The following KIFAP3 variants were observed in gnomAD, a reference collection of about 807,000 sequenced individuals.
KIFAP3 encodes the protein kinesin-associated protein 3.
Under a neutral mutation model 106.5 loss-of-function variants are expected in KIFAP3, and 68 were observed. The observed-to-expected ratio is 0.64, with a 90% CI of 0.53 to 0.78. KIFAP3 has a LOEUF of 0.78. KIFAP3 is among the 30% of genes least tolerant of loss of function. The probability of loss-of-function intolerance (pLI) is 0.00; values close to 1 mark genes in which losing one functional copy is unlikely to be tolerated. For synonymous variants in KIFAP3, 320 were observed against 311.5 expected, an observed-to-expected ratio of 1.03 and a Z score of -0.29; for missense variants, 780 against 941.8, an observed-to-expected ratio of 0.83 and a Z score of 2.25.
At chr1:169,939,673 T>C (rs892926150) in intron 19 of KIFAP3, among the ~76,000 whole-genome samples, 2 of 151,914 alleles carry the variant, frequency 1.3e-5, no homozygotes, top group Non-Finnish European at 2.9e-5. Context: ...AGCATTTAAA[T>C]GTGGAAAAGA....
chr1:169,982,832 A>G lies in KIFAP3; in HGVS notation c.1542T>C (p.Asn514=), dbSNP rs765019220. The G allele has an allele frequency of 2.5e-6, 4 of 1,603,092 alleles. No homozygotes were observed. Among genetic ancestry groups the G allele is most frequent in the Non-Finnish European group, 2.6e-6 (3 of 1,172,980 alleles). The part of the protein sequence containing the change: ...YVGDLAAQIS[N]DEEEEFVIEC... ...CAATCACAAACTCCTCTTCTTCATC[A>G]TTAGAGATCTGGGCTGCAAGGTCCC... The change falls in exon 14 of 20, where the codon AAT becomes AAC. Residue 514 remains asparagine (N), a synonymous_variant. Coordinates refer to ENST00000361580, the MANE Select transcript of KIFAP3 (RefSeq NM_014970.4).
chr1:170,014,191 C>G (rs1293647974), intron 10 of KIFAP3, among the ~76,000 whole-genome samples: 1 of 152,152 alleles, frequency 6.6e-6, no homozygotes, highest in Non-Finnish European at 1.5e-5. Flanking sequence ...GATTAATTTC[C>G]CTTGAGCAGA....
intron 1 of KIFAP3, among the ~76,000 whole-genome samples, chr1:170,065,900 G>C (rs1671419897): frequency 1.3e-5 from 2 of 152,018 alleles, no homozygotes; most frequent in Admixed American, 1.3e-4. Context: ...TATTGTTTTG[G>C]ATCATTTAAT....
chr1:170,007,712 C>A (rs1326527369), intron 10 of KIFAP3, among the ~76,000 whole-genome samples: 3 of 152,006 alleles, frequency 2.0e-5, no homozygotes, highest in African/African-American at 7.3e-5. Flanking sequence ...TTTATAGATT[C>A]AATGCTACCC....
intron 1 of KIFAP3, among the ~76,000 whole-genome samples, chr1:170,082,888 G>A (rs1426196228): frequency 6.6e-6 from 1 of 152,096 alleles, no homozygotes; most frequent in Admixed American, 6.6e-5. Context: ...CATGAGAATC[G>A]CCTGAACCCA....
At chr1:170,031,149 T>C (rs1329952080) in intron 8 of KIFAP3, among the ~76,000 whole-genome samples, 1 of 151,804 alleles carries the variant, frequency 6.6e-6, no homozygotes, top group Non-Finnish European at 1.5e-5. Context: ...TATTATTTTC[T>C]AGCATATTTT....
rs560474605 is a variant in KIFAP3 at position 169,992,437 on chromosome 1, G to A, written c.1184-182C>T. On this transcript the variant is annotated intron_variant, in intron 10 of 19. Coordinates refer to ENST00000361580, the MANE Select transcript of KIFAP3 (RefSeq NM_014970.4). ...GAGCAAGCATATTCATGTTATATGT[G>A]AAACATCACTAATTTCCAAGAAAGA... is the stretch of plus-strand genomic sequence containing the variant. 1.1e-4 allele frequency among the ~76,000 whole-genome samples: 17 copies of A among 152,186 alleles called. No individual in the cohort carries two copies. The East Asian group carries it at 2.7e-3, about 24-fold the overall frequency.
At chr1:169,977,572 C>G (rs148874815) in intron 16 of KIFAP3, among the ~76,000 whole-genome samples, 63 of 152,158 alleles carry the variant, frequency 4.1e-4, no homozygotes, top group African/African-American at 1.5e-3. Flanking sequence ...AAAATTAGGG[C>G]TATTTGATTT....
rs1666591390 is a variant in KIFAP3 at position 169,982,705 on chromosome 1, G to A, written c.1669C>T (p.Pro557Ser). The part of the protein sequence containing the change: ...LVPYLKDKLK[P>S]GAAEDDLVLE... The stretch of plus-strand genomic sequence containing the variant: ...AAGTGAAATACTTAGCACAAACCTG[G>A]TTTTAGTTTATCCTTGAGGTATGGA... Residue 557 changes from proline (P) to serine (S), a missense_variant, in exon 14 of 20, where the codon CCA becomes TCA. Transcript: ENST00000361580. The A allele has an allele frequency of 6.4e-7, 1 of 1,568,182 alleles. No individual in the cohort carries two copies. The highest frequency in any genetic ancestry group is 1.2e-5 in the South Asian group (1 of 83,852).
chr1:170,015,497 T>C (rs1668456611), intron 10 of KIFAP3, among the ~76,000 whole-genome samples: 1 of 152,194 alleles, frequency 6.6e-6, no homozygotes, highest in Admixed American at 6.6e-5. Context: ...AACATTGTTG[T>C]GCAGTATTGA....
intron 1 of KIFAP3, among the ~76,000 whole-genome samples, chr1:170,057,563 A>G (rs1670913575): frequency 6.6e-6 from 1 of 151,492 alleles, no homozygotes. Context: ...TCTATACTAA[A>G]TAATATACAA....
intron 8 of KIFAP3, 185 bp from the exon 9 acceptor site, chr1:170,024,781 T>TTGTGTGTG (rs146826585): frequency 6.3e-5 from 25 of 399,150 alleles, no homozygotes; most frequent in Middle Eastern, 6.4e-4. Flanking sequence ...GGATATGTGT[T>TTGTGTGTG]TGTGTGTGTG....
intron 1 of KIFAP3, among the ~76,000 whole-genome samples, chr1:170,080,437 G>A (rs551199728): frequency 1.4e-4 from 21 of 151,962 alleles, no homozygotes; most frequent in African/African-American, 5.1e-4. Flanking sequence ...AAAATGCAAA[G>A]GACCTCTAAG....
intron 12 of KIFAP3, among the ~76,000 whole-genome samples, chr1:169,984,327 TA>T (rs1379623454): frequency 6.6e-6 from 1 of 151,844 alleles, no homozygotes; most frequent in Non-Finnish European, 1.5e-5. Flanking sequence ...TCATTTTATC[TA>T]GAAAATGTTT....
At chr1:170,017,408 G>GT (rs972845667) in intron 9 of KIFAP3, among the ~76,000 whole-genome samples, 3 of 150,586 alleles carry the variant, frequency 2.0e-5, no homozygotes, top group African/African-American at 7.3e-5. Context: ...TAGGAATAAA[G>GT]TAAAAAAAAA....
At chr1:170,066,007 A>G (rs1473069983) in intron 1 of KIFAP3, among the ~76,000 whole-genome samples, 1 of 152,100 alleles carries the variant, frequency 6.6e-6, no homozygotes, top group East Asian at 1.9e-4. Context: ...AGCCTTGTGA[A>G]TTATTATTTT....
chr1:170,040,974 C>T (rs1283310229), intron 3 of KIFAP3, among the ~76,000 whole-genome samples: 3 of 151,908 alleles, frequency 2.0e-5, no homozygotes. Context: ...CACAGGCGCA[C>T]ACCACAACGC....
At chr1:170,000,200 C>T (rs963837486) in intron 10 of KIFAP3, among the ~76,000 whole-genome samples, 5 of 152,090 alleles carry the variant, frequency 3.3e-5, no homozygotes, top group Admixed American at 1.3e-4. Flanking sequence ...TGCAGTAGAT[C>T]CAGCCCAACA....
At chr1:170,005,317 G>GAACTAGAAATACC (rs1553195464) in intron 10 of KIFAP3, among the ~76,000 whole-genome samples, 3 of 152,104 alleles carry the variant, frequency 2.0e-5, no homozygotes, top group Non-Finnish European at 4.4e-5. Flanking sequence ...CAGGGATCTA[G>GAACTAGAAATACC]AACTAGAAAT....
Sources: gnomAD v4.1 joint callset for allele counts (sites outside exome capture counted in the v4.1 genomes callset) on GRCh38, gnomAD v4.1.1 for gene constraint, MANE v1.5 for transcripts, NCBI Gene and HGNC (gene_info 2026-07-23, HGNC 2026-07-21) for gene names.